The following VWA8 variants were observed in gnomAD, a reference collection of about 807,000 sequenced individuals.
VWA8 encodes the protein von Willebrand factor A domain containing 8.
VWA8 carries 221 observed loss-of-function variants against 241.5 expected under a neutral mutation model. That is an observed-to-expected ratio of 0.91 (90% CI 0.82 to 1.02). The LOEUF is 1.02. Ranked by LOEUF, VWA8 falls within the 50% of genes least tolerant of loss-of-function variation. The pLI is 0.00. For missense variants in VWA8, 2,322 were observed against 2,328.7 expected (o/e 1.00, Z 0.06); for synonymous variants, 852 against 827.1 (o/e 1.03, Z -0.52).
intron 26 of VWA8, among the ~76,000 whole-genome samples, chr13:41,708,953 G>T (rs1322694678): frequency 6.6e-6 from 1 of 151,738 alleles, no homozygotes; most frequent in Admixed American, 6.6e-5. Flanking sequence ...ACATTTCACT[G>T]AAAAAAAGTC....
intron 26 of VWA8, among the ~76,000 whole-genome samples, chr13:41,709,254 T>C (rs2045301704): frequency 6.6e-6 from 1 of 152,226 alleles, no homozygotes; most frequent in Non-Finnish European, 1.5e-5. Flanking sequence ...ATATTACTCA[T>C]TTGGATCTCT....
At chr13:41,623,311 A>G (rs1434254231) in intron 37 of VWA8, among the ~76,000 whole-genome samples, 1 of 152,188 alleles carries the variant, frequency 6.6e-6, no homozygotes, top group Non-Finnish European at 1.5e-5. Flanking sequence ...GGAAGAGTCT[A>G]TGCCCCAATG....
intron 29 of VWA8, among the ~76,000 whole-genome samples, chr13:41,697,913 C>G (rs1449878767): frequency 6.6e-6 from 1 of 152,122 alleles, no homozygotes; most frequent in African/African-American, 2.4e-5. Flanking sequence ...CAATCTTCCC[C>G]ACTACGCTTC....
Position 41,719,748 on chromosome 13 carries a change from T to C in VWA8, c.2965-6A>G, listed in dbSNP as rs2045370970. The C allele has an allele frequency of 6.2e-7, 1 of 1,600,736 alleles. No individual in the cohort carries two copies. Among genetic ancestry groups the C allele is most frequent in the Non-Finnish European group, 8.5e-7 (1 of 1,175,112 alleles). ...AGACCTTCAGTCGGAAATTTCTGTATTAAAAAAAAATTCCCTTATTATGCA... is the reference window on the plus strand; with the variant it reads ...AGACCTTCAGTCGGAAATTTCTGTACTAAAAAAAAATTCCCTTATTATGCA... On this transcript the variant is annotated splice_polypyrimidine_tract_variant and splice_region_variant and intron_variant, in intron 25 of 44. Transcript: ENST00000379310.
At chr13:41,625,126 T>G (rs968943558) in intron 37 of VWA8, among the ~76,000 whole-genome samples, 7 of 152,026 alleles carry the variant, frequency 4.6e-5, no homozygotes, top group Non-Finnish European at 1.5e-5. Flanking sequence ...AGGTGAAAGA[T>G]CTCTACAATG....
chr13:41,871,992 G>T (rs1206102608), intron 9 of VWA8, among the ~76,000 whole-genome samples: 1 of 152,092 alleles, frequency 6.6e-6, no homozygotes, highest in Non-Finnish European at 1.5e-5. Context: ...TTTAATGATT[G>T]CCATTCTAAC....
At chr13:41,741,398 G>T (rs1327780492) in intron 21 of VWA8, among the ~76,000 whole-genome samples, 3 of 152,166 alleles carry the variant, frequency 2.0e-5, no homozygotes, top group African/African-American at 7.2e-5. Context: ...CACTTTTTAT[G>T]ATAAATGGTT....
chr13:41,699,355 A>ACAGT, intron 28 of VWA8, 85 bp from the exon 29 acceptor site: 1 of 1,281,652 alleles, frequency 7.8e-7, no homozygotes, highest in Non-Finnish European at 1.1e-6. Flanking sequence ...TGAATCATGA[A>ACAGT]TACACAGCTG....
chr13:41,576,600 CTGGGGGAGAG>C, intron 42 of VWA8, among the ~76,000 whole-genome samples: 1 of 152,252 alleles, frequency 6.6e-6, no homozygotes, highest in East Asian at 1.9e-4. Context: ...AACTTGTGTC[CTGGGGGAGAG>C]ATGTGGCTAG....
At chr13:41,714,846 T>C (rs929856081) in intron 26 of VWA8, among the ~76,000 whole-genome samples, 2 of 151,932 alleles carry the variant, frequency 1.3e-5, no homozygotes, top group Admixed American at 1.3e-4. Context: ...GTATATTGTA[T>C]GTACATGACA....
At chr13:41,616,597 A>G (rs966153226) in intron 37 of VWA8, among the ~76,000 whole-genome samples, 1 of 152,194 alleles carries the variant, frequency 6.6e-6, no homozygotes, top group Non-Finnish European at 1.5e-5. Flanking sequence ...AAATACATAT[A>G]CTGGCTACAA....
At chr13:41,838,935 T>C (rs529166955) in intron 12 of VWA8, among the ~76,000 whole-genome samples, 1 of 152,350 alleles carries the variant, frequency 6.6e-6, no homozygotes, top group East Asian at 1.9e-4. Flanking sequence ...TTTGCTATTG[T>C]GAATAGTGCT....
intron 5 of VWA8, among the ~76,000 whole-genome samples, chr13:41,889,274 T>C (rs1874702188): frequency 6.6e-6 from 1 of 152,148 alleles, no homozygotes; most frequent in Non-Finnish European, 1.5e-5. Context: ...AACACAGAAA[T>C]AACATTTACC....
chr13:41,692,513 T>A (rs1465829585), intron 30 of VWA8, among the ~76,000 whole-genome samples: 1 of 152,058 alleles, frequency 6.6e-6, no homozygotes, highest in East Asian at 1.9e-4. Context: ...TTTCATCATA[T>A]AAATCCAAAA....
chr13:41,812,756 C>A (rs1870528773), intron 16 of VWA8, among the ~76,000 whole-genome samples: 1 of 152,124 alleles, frequency 6.6e-6, no homozygotes, highest in Admixed American at 6.6e-5. Context: ...CACCACATAT[C>A]CTTTCTTCTA....
chr13:41,836,121 T>C (rs1158243294), intron 12 of VWA8, among the ~76,000 whole-genome samples: 1 of 152,220 alleles, frequency 6.6e-6, no homozygotes, highest in Non-Finnish European at 1.5e-5. Flanking sequence ...TAAAAAGATA[T>C]TAAATTAAAA....
intron 21 of VWA8, among the ~76,000 whole-genome samples, chr13:41,754,042 T>TA (rs961968440): frequency 3.9e-5 from 6 of 152,086 alleles, no homozygotes; most frequent in African/African-American, 1.4e-4. Flanking sequence ...ATATAATAAA[T>TA]AAAAAATTCC....
chr13:41,957,805 C>A (rs564004607), intron 1 of VWA8, among the ~76,000 whole-genome samples: 31 of 151,996 alleles, frequency 2.0e-4, no homozygotes, highest in African/African-American at 7.5e-4. Context: ...ATACAAGAGT[C>A]ATAAAGAAAA....
intron 9 of VWA8, among the ~76,000 whole-genome samples, chr13:41,874,582 T>C (rs1873808891): frequency 6.6e-6 from 1 of 152,134 alleles, no homozygotes; most frequent in Non-Finnish European, 1.5e-5. Flanking sequence ...ACTCCCATTT[T>C]CTAATACACT....
Sources: gnomAD v4.1 joint callset for allele counts (sites outside exome capture counted in the v4.1 genomes callset) on GRCh38, gnomAD v4.1.1 for gene constraint, MANE v1.5 for transcripts, NCBI Gene and HGNC (gene_info 2026-07-23, HGNC 2026-07-21) for gene names.